TSNARE1: variants seen among roughly 807,000 people sequenced by gnomAD.
TSNARE1 encodes t-SNARE domain containing 1, also known as t-SNARE domain-containing protein 1.
A neutral mutation model predicts 62.0 loss-of-function variants in TSNARE1; 49 were observed. The observed-to-expected ratio is 0.79, with a 90% CI of 0.63 to 1.00. The LOEUF is 1.00. Among genes scored for constraint, TSNARE1 ranks in the 50% least tolerant of loss-of-function variants. The pLI is 0.00. For synonymous variants in TSNARE1, 328 were observed against 294.4 expected, an observed-to-expected ratio of 1.11 and a Z score of -1.17; for missense variants, 755 against 700.1, an observed-to-expected ratio of 1.08 and a Z score of -0.88.
At chr8:142,301,732 C>T (rs1207797352) in intron 9 of TSNARE1, among the ~76,000 whole-genome samples, 3 of 152,094 alleles carry the variant, frequency 2.0e-5, no homozygotes, top group South Asian at 2.1e-4. Context: ...ACTGAGGTGG[C>T]GGCCTGGCCA....
chr8:142,318,525 C>T lies in TSNARE1; in HGVS notation c.984+19G>A. 6.2e-7 allele frequency: 1 copy of T among 1,609,852 alleles called. No individual in the cohort carries two copies. The highest frequency in any genetic ancestry group is 8.5e-7 in the Non-Finnish European group (1 of 1,179,122). On this transcript the variant is annotated intron_variant, in intron 7 of 13. Transcript: ENST00000524325. ...TCCATTCCTCTCCTCCCTCCCAGCC[C>T]CAGACCCCAGGAACATACCGGGCAG...
At chr8:142,241,811 G>T (rs1057062258) in intron 12 of TSNARE1, among the ~76,000 whole-genome samples, 2 of 151,782 alleles carry the variant, frequency 1.3e-5, no homozygotes, top group African/African-American at 4.8e-5. Context: ...ACACAGAAGA[G>T]TAAAAACGGA....
chr8:142,215,432 T>G (rs1454834052), intron 13 of TSNARE1, among the ~76,000 whole-genome samples: 1 of 152,116 alleles, frequency 6.6e-6, no homozygotes, highest in Non-Finnish European at 1.5e-5. Flanking sequence ...TGCCCCCATC[T>G]TCTGGCCAGA....
intron 12 of TSNARE1, among the ~76,000 whole-genome samples, chr8:142,266,542 A>G (rs916079447): frequency 1.3e-5 from 2 of 152,250 alleles, no homozygotes; most frequent in African/African-American, 4.8e-5. Flanking sequence ...CTTTGTAGAT[A>G]CTACCATTTT....
chr8:142,356,378 G>C (rs1216877104), intron 1 of TSNARE1, among the ~76,000 whole-genome samples: 1 of 152,216 alleles, frequency 6.6e-6, no homozygotes, highest in Non-Finnish European at 1.5e-5. Flanking sequence ...GGAATGGGGA[G>C]GTGGGCAGGA....
chr8:142,314,316 C>T, intron 9 of TSNARE1, 68 bp downstream of exon 9: 2 of 1,477,454 alleles, frequency 1.4e-6, no homozygotes, highest in Middle Eastern at 2.0e-4. Context: ...TTCCATGGAG[C>T]ACAGATGGCA....
chr8:142,357,633 C>T (rs1003161155), intron 1 of TSNARE1, among the ~76,000 whole-genome samples: 8 of 152,156 alleles, frequency 5.3e-5, no homozygotes, highest in Non-Finnish European at 4.4e-5. Context: ...AGAAGGCACA[C>T]GGACAGTGCT....
rs1833066186 is a variant in TSNARE1 at position 142,344,392 on chromosome 8, C to G, written c.319G>C (p.Ala107Pro). The part of the protein sequence containing the change: ...PTIGPRKDSA[A>P]GPHGRMAGPS... ...CCCGCCATCCGGCCATGGGGCCCAG[C>G]AGCCGAGTCCTTCCTCGGGCCAATG... is the stretch of plus-strand genomic sequence containing the variant. Residue 107 changes from alanine (A) to proline (P), a missense_variant, in exon 4 of 14, where the codon GCT (alanine) becomes CCT (proline). Ala to Pro is a conservative substitution (Grantham distance 27). Transcript: ENST00000524325. The G allele has an allele frequency of 2.5e-6, 4 of 1,580,796 alleles. No homozygotes were observed. Among genetic ancestry groups the G allele is most frequent in the Non-Finnish European group, 3.4e-6 (4 of 1,166,342 alleles).
chr8:142,367,066 G>A (rs1397651785), intron 1 of TSNARE1, among the ~76,000 whole-genome samples: 1 of 152,094 alleles, frequency 6.6e-6, no homozygotes, highest in Non-Finnish European at 1.5e-5. Context: ...AACATGAAAT[G>A]GGAAAAATCT....
chr8:142,255,152 G>C (rs1307770289), intron 12 of TSNARE1, among the ~76,000 whole-genome samples: 2 of 152,002 alleles, frequency 1.3e-5, no homozygotes, highest in Non-Finnish European at 2.9e-5. Context: ...TCTGTCCCCA[G>C]CCCCATGAAC....
chr8:142,361,339 G>C (rs1835142647), intron 1 of TSNARE1, among the ~76,000 whole-genome samples: 1 of 152,242 alleles, frequency 6.6e-6, no homozygotes. Context: ...CCGGGTCAGT[G>C]AGGGCACCAG....
intron 12 of TSNARE1, among the ~76,000 whole-genome samples, chr8:142,231,215 C>A (rs1424138209): frequency 2.0e-5 from 3 of 152,220 alleles, no homozygotes; most frequent in Non-Finnish European, 4.4e-5. Flanking sequence ...ATTGCTGAAA[C>A]AGCACCACTT....
chr8:142,377,856 T>C (rs1007038965), intron 1 of TSNARE1, among the ~76,000 whole-genome samples: 2 of 152,180 alleles, frequency 1.3e-5, no homozygotes, highest in African/African-American at 2.4e-5. Context: ...CAGTAATAAA[T>C]AAATAACAAA....
At chr8:142,284,295 T>A (rs1822309085) in intron 11 of TSNARE1, 118 bp downstream of exon 11, 2 of 766,208 alleles carry the variant, frequency 2.6e-6, no homozygotes, top group Non-Finnish European at 4.4e-6. Context: ...GACCCCAGCC[T>A]GGGCCTGGCT....
intron 11 of TSNARE1, among the ~76,000 whole-genome samples, chr8:142,284,003 G>A (rs759305533): frequency 2.2e-5 from 3 of 139,442 alleles, no homozygotes; most frequent in Non-Finnish European, 3.2e-5. Context: ...AGTGTCTGTC[G>A]ATGAGCAGGG....
chr8:142,344,424 G>A lies in TSNARE1; in HGVS notation c.287C>T (p.Ser96Leu), dbSNP rs1156306075. ...GTCCTTCCTCGGGCCAATGGTGGGT[G>A]ATGAGGTGGGCTCCGGCATCCGGCT... ...EGSRMPEPTSSPTIGPRKDSA... is the reference protein window; with the variant it reads ...EGSRMPEPTSLPTIGPRKDSA... Residue 96 changes from serine to leucine, a missense_variant, in exon 4 of 14, where the codon TCA (serine) becomes TTA (leucine). By Grantham distance (145) the Ser-to-Leu change is moderately radical. Coordinates refer to ENST00000524325, the MANE Select transcript of TSNARE1 (RefSeq NM_145003.5). The A allele has an allele frequency of 1.9e-6, 3 of 1,586,986 alleles. No individual in the cohort carries two copies. The highest frequency in any genetic ancestry group is 2.3e-5 in the East Asian group (1 of 43,860).
intron 1 of TSNARE1, among the ~76,000 whole-genome samples, chr8:142,402,488 G>A (rs1035326767): frequency 6.6e-6 from 1 of 152,240 alleles, no homozygotes; most frequent in Non-Finnish European, 1.5e-5. Flanking sequence ...CAACAAACAC[G>A]AGGTCCCTGG....
rs1563756998 is a variant in TSNARE1 at position 142,223,193 on chromosome 8, T to TTCAC, written c.*11+6276_*11+6279dup. 1.3e-3 allele frequency among the ~76,000 whole-genome samples: 13 copies of TTCAC among 9,682 alleles called. 3 individuals are homozygous for TTCAC. The highest frequency in any genetic ancestry group is 7.9e-3 in the African/African-American group (12 of 1,520). The allele number at this position is 9,682 out of a possible 152,430, so 6.4% of individuals were successfully genotyped here. ...ACTCAAGTATTCACTCATTCACTCG[T>TTCAC]TCACTCACTCATACTCATTCACTCA... On this transcript the variant is annotated intron_variant, in intron 13 of 13. Coordinates refer to ENST00000524325, the MANE Select transcript of TSNARE1 (RefSeq NM_145003.5).
At chr8:142,371,542 A>G (rs1180402775) in intron 1 of TSNARE1, among the ~76,000 whole-genome samples, 1 of 152,228 alleles carries the variant, frequency 6.6e-6, no homozygotes, top group Non-Finnish European at 1.5e-5. Flanking sequence ...CATCACAAAA[A>G]CAACCAGACA....
Sources: gnomAD v4.1 joint callset for allele counts (sites outside exome capture counted in the v4.1 genomes callset) on GRCh38, gnomAD v4.1.1 for gene constraint, MANE v1.5 for transcripts, NCBI Gene and HGNC (gene_info 2026-07-23, HGNC 2026-07-21) for gene names.